Variants in TRABD2B observed in about 807,000 individuals in gnomAD.
TRABD2B encodes the protein metalloprotease TIKI2.
In TRABD2B, 14 loss-of-function variants were observed where a neutral mutation model predicts 40.1. The observed-to-expected ratio is 0.35, with a 90% CI of 0.23 to 0.55. The LOEUF is 0.55. Ranked by LOEUF, TRABD2B falls within the 20% of genes least tolerant of loss-of-function variation. TRABD2B has a pLI of 0.90. For missense variants in TRABD2B, 541 were observed against 648.6 expected (o/e 0.83, Z 1.80); for synonymous variants, 263 against 277.0 (o/e 0.95, Z 0.50).
At position 47,765,771 on chromosome 1, in the gene TRABD2B, G is replaced by T; in HGVS notation, c.*131C>A. ...AACTTGGGTACAGTAAAGCTCTAGAGTGTCTAGCCAATCCCATGTGGACTG... is the reference window on the plus strand; with the variant it reads ...AACTTGGGTACAGTAAAGCTCTAGATTGTCTAGCCAATCCCATGTGGACTG... On this transcript the variant is annotated 3_prime_UTR_variant, in exon 7 of 7. Coordinates refer to ENST00000606738, the MANE Select transcript of TRABD2B (RefSeq NM_001194986.2). 2.9e-6 allele frequency: 2 copies of T among 697,578 alleles called. No homozygotes were observed. The highest frequency in any genetic ancestry group is 5.2e-6 in the Non-Finnish European group (2 of 383,108). 43.2% of individuals were successfully genotyped at this position (697,578 alleles called of 1,614,324 possible). A position where few individuals can be genotyped will look rare whatever the true frequency, so the allele number is the denominator to read the frequency against.
chr1:47,796,579 A>G (rs911846527), intron 3 of TRABD2B, among the ~76,000 whole-genome samples: 25 of 152,342 alleles, frequency 1.6e-4, no homozygotes, highest in African/African-American at 5.8e-4. Flanking sequence ...GCCAAGGCCT[A>G]GTGTGTTCCC....
intron 2 of TRABD2B, among the ~76,000 whole-genome samples, chr1:47,824,257 C>T (rs1469571796): frequency 6.6e-6 from 1 of 152,148 alleles, no homozygotes; most frequent in Non-Finnish European, 1.5e-5. Flanking sequence ...AGGCCCAGCT[C>T]CTTAGGCAAC....
At chr1:47,972,687 G>A (rs1645698619) in intron 2 of TRABD2B, among the ~76,000 whole-genome samples, 1 of 152,270 alleles carries the variant, frequency 6.6e-6, no homozygotes, top group African/African-American at 2.4e-5. Context: ...CACTCAGTCT[G>A]GTACTTTGTT....
At chr1:47,873,358 G>A (rs1644172188) in intron 2 of TRABD2B, among the ~76,000 whole-genome samples, 1 of 152,210 alleles carries the variant, frequency 6.6e-6, no homozygotes, top group Non-Finnish European at 1.5e-5. Flanking sequence ...CTTTTCCAAA[G>A]TGTCCACAAT....
intron 2 of TRABD2B, among the ~76,000 whole-genome samples, chr1:47,881,024 T>C (rs573622514): frequency 1.4e-4 from 21 of 152,362 alleles, no homozygotes; most frequent in Admixed American, 1.2e-3. Flanking sequence ...GATCTTGTCC[T>C]GTAGGCCATG....
At chr1:47,931,656 T>C (rs1392039452) in intron 2 of TRABD2B, among the ~76,000 whole-genome samples, 1 of 152,140 alleles carries the variant, frequency 6.6e-6, no homozygotes, top group Non-Finnish European at 1.5e-5. Flanking sequence ...CTCCCAGCCA[T>C]ACCTGCCTTC....
chr1:47,825,673 T>A (rs1307656343), intron 2 of TRABD2B, among the ~76,000 whole-genome samples: 1 of 152,196 alleles, frequency 6.6e-6, no homozygotes, highest in African/African-American at 2.4e-5. Context: ...CAAGAATCAC[T>A]GTCTATACTC....
At chr1:47,930,297 G>A (rs1645023006) in intron 2 of TRABD2B, among the ~76,000 whole-genome samples, 1 of 152,222 alleles carries the variant, frequency 6.6e-6, no homozygotes, top group African/African-American at 2.4e-5. Flanking sequence ...TTTAGCCCTA[G>A]AGATTAAGGC....
intron 2 of TRABD2B, among the ~76,000 whole-genome samples, chr1:47,979,191 G>A (rs190248661): frequency 2.0e-5 from 3 of 150,684 alleles, no homozygotes; most frequent in South Asian, 2.1e-4. Flanking sequence ...GGAACAATGC[G>A]GGAAGGGGGC....
Position 47,905,353 on chromosome 1 carries a change from G to C in TRABD2B, c.666+88681C>G, listed in dbSNP as rs558387578. Among the ~76,000 whole-genome samples the C allele has an allele frequency of 3.3e-5, 5 of 152,318 alleles. No individual in the cohort carries two copies. In the South Asian group the frequency reaches 1.0e-3, roughly 32 times the overall value. On this transcript the variant is annotated intron_variant, in intron 2 of 6. Transcript: ENST00000606738. ...CCCAGAGGAGCCGTCCTGGCAGCTG[G>C]GGATGGGGAAGGGAGTGGTAGCTAG... is the stretch of plus-strand genomic sequence containing the variant.
chr1:47,843,194 C>T (rs114283573), intron 2 of TRABD2B, among the ~76,000 whole-genome samples: 5,676 of 152,184 alleles, frequency 0.037, 146 homozygotes, highest in Non-Finnish European at 0.057. Context: ...GAGGGAGCCA[C>T]TGGAGGGTTT....
At chr1:47,776,163 GATTATTAGC>G (rs1450242095) in intron 5 of TRABD2B, among the ~76,000 whole-genome samples, 1 of 151,688 alleles carries the variant, frequency 6.6e-6, no homozygotes, top group African/African-American at 2.4e-5. Flanking sequence ...AAGTAATTAA[GATTATTAGC>G]ATTGTGCATT....
chr1:47,923,167 C>T (rs1439815802), intron 2 of TRABD2B, among the ~76,000 whole-genome samples: 2 of 152,234 alleles, frequency 1.3e-5, no homozygotes, highest in African/African-American at 4.8e-5. Flanking sequence ...GCCTGAGTGT[C>T]ACCTCCTCAG....
chr1:47,932,251 T>C (rs994815252), intron 2 of TRABD2B, among the ~76,000 whole-genome samples: 1 of 152,156 alleles, frequency 6.6e-6, no homozygotes, highest in Non-Finnish European at 1.5e-5. Flanking sequence ...AATGCCAACA[T>C]GGATTCAAGG....
intron 2 of TRABD2B, among the ~76,000 whole-genome samples, chr1:47,842,584 A>C (rs947870780): frequency 1.3e-5 from 2 of 152,058 alleles, no homozygotes; most frequent in Non-Finnish European, 2.9e-5. Context: ...ATAACACAAC[A>C]AGTACGCAGC....
At chr1:47,924,458 A>G (rs1281732059) in intron 2 of TRABD2B, among the ~76,000 whole-genome samples, 1 of 152,162 alleles carries the variant, frequency 6.6e-6, no homozygotes, top group Non-Finnish European at 1.5e-5. Context: ...AATTCAAGCC[A>G]AGGCTGCTTT....
Position 47,848,900 on chromosome 1 carries a change from T to C in TRABD2B, c.667-47281A>G, listed in dbSNP as rs186698220. 8.5e-5 allele frequency among the ~76,000 whole-genome samples: 13 copies of C among 152,346 alleles called. No individual in the cohort carries two copies. In the East Asian group the frequency reaches 1.9e-3, roughly 23 times the overall value. On this transcript the variant is annotated intron_variant, in intron 2 of 6. Coordinates refer to ENST00000606738, the MANE Select transcript of TRABD2B (RefSeq NM_001194986.2). ...GGTAGTCACATGTCCTTAAGGATAT[T>C]AGGCTATCTTCCCTATGGACATGGC... is the stretch of plus-strand genomic sequence containing the variant.
chr1:47,958,138 A>C (rs12124882), intron 2 of TRABD2B, among the ~76,000 whole-genome samples: 36,945 of 149,376 alleles, frequency 0.25, 4,412 homozygotes, highest in Admixed American at 0.28. Context: ...GAAATAAAAT[A>C]CTTTACAGAC....
rs531256120 is a variant in TRABD2B at position 47,764,403 on chromosome 1, G to C, written c.*1499C>G. 11 of 152,176 alleles carry C rather than the reference G, an allele frequency of 7.2e-5. No individual in the cohort carries two copies. Among genetic ancestry groups the C allele is most frequent in the Non-Finnish European group, 1.5e-4 (10 of 68,036 alleles). 9.4% of individuals were successfully genotyped at this position (152,176 alleles called of 1,614,324 possible). On this transcript the variant is annotated 3_prime_UTR_variant, in exon 7 of 7. Transcript: ENST00000606738. ...AGGGTTTCAGGCCTCCCAGGTGGGA[G>C]TTAGCCCACCTGGGTCCTCTGTCTC...
Sources: allele counts gnomAD v4.1 joint callset (sites outside exome capture counted in the v4.1 genomes callset), GRCh38; gene constraint gnomAD v4.1.1; transcripts MANE v1.5; gene names NCBI Gene and HGNC (gene_info 2026-07-23, HGNC 2026-07-21).